Variants in C1QTNF5 observed in about 807,000 individuals in gnomAD.
C1QTNF5 encodes the protein complement C1q tumor necrosis factor-related protein 5.
C1QTNF5 carries 5 observed loss-of-function variants against 10.9 expected under a neutral mutation model. That is an observed-to-expected ratio of 0.46 (90% CI 0.24 to 0.97). The LOEUF is 0.97. Ranked by LOEUF, C1QTNF5 falls within the 50% of genes least tolerant of loss-of-function variation. The probability of loss-of-function intolerance (pLI) is 0.19; values close to 1 mark genes in which losing one functional copy is unlikely to be tolerated. For missense variants in C1QTNF5, 281 were observed against 339.4 expected (o/e 0.83, Z 1.35); for synonymous variants, 161 against 156.5 (o/e 1.03, Z -0.22).
upstream of C1QTNF5, among the ~76,000 whole-genome samples, chr11:119,345,190 T>C (rs1950548466): frequency 6.6e-6 from 1 of 152,180 alleles, no homozygotes; most frequent in African/African-American, 2.4e-5. Flanking sequence ...CCTTGTAGCA[T>C]CTACTCATGG....
Position 119,340,456 on chromosome 11 carries a change from G to A in C1QTNF5, c.-43-16C>T, listed in dbSNP as rs1950491343. 1.3e-6 allele frequency: 2 copies of A among 1,506,950 alleles called. No individual in the cohort carries two copies. Among genetic ancestry groups the A allele is most frequent in the Admixed American group, 3.9e-5 (2 of 50,666 alleles). The allele number at this position is 1,506,950 out of a possible 1,614,324, so 93.3% of individuals were successfully genotyped here. ...CTCTCGCAGTCTGTGGACCAGGCAG[G>A]ACTGGAGTCGGGACCCAGAATCCTG... On this transcript the variant is annotated splice_polypyrimidine_tract_variant and intron_variant, in intron 1 of 2. Transcript: ENST00000528368.
At chr11:119,340,064 T>G in intron 2 of C1QTNF5, 120 bp downstream of exon 2, 1 of 1,324,108 alleles carries the variant, frequency 7.6e-7, no homozygotes, top group South Asian at 1.6e-5. Flanking sequence ...CGCTCAGGGC[T>G]GCAAAGCGCG....
chr11:119,341,343 C>G, upstream of C1QTNF5: 1 of 597,278 alleles, frequency 1.7e-6, no homozygotes, highest in Non-Finnish European at 3.0e-6. Flanking sequence ...AGTCAGCAGC[C>G]TGGGACCGGT....
At chr11:119,346,171 C>G in the C1QTNF5 span, 1 of 1,580,124 alleles carries the variant, frequency 6.3e-7, no homozygotes, top group Non-Finnish European at 8.6e-7. Flanking sequence ...TGCGGGTTGG[C>G]AGGTGGGGTT....
chr11:119,346,032 C>G, the C1QTNF5 span: 1 of 1,612,072 alleles, frequency 6.2e-7, no homozygotes. Context: ...TTCAAGCTGT[C>G]CCCGGGTACT....
chr11:119,342,121 G>C (rs1950509026), upstream of C1QTNF5: 5 of 1,050,076 alleles, frequency 4.8e-6, no homozygotes, highest in South Asian at 7.4e-5. Context: ...GGATAACAAA[G>C]AGACAGGCTG....
At chr11:119,345,545 C>A (rs764416891), upstream of C1QTNF5, 8 of 1,614,052 alleles carry the variant, frequency 5.0e-6, no homozygotes, top group Admixed American at 1.3e-4. Context: ...CCTGGATATG[C>A]CACACGCAGT....
At chr11:119,345,625 C>T (rs1950556299), upstream of C1QTNF5, 2 of 1,613,558 alleles carry the variant, frequency 1.2e-6, no homozygotes, top group Admixed American at 3.3e-5. Context: ...GAGAGGAGGC[C>T]TCCACAGGCT....
Position 119,340,176 on chromosome 11 carries a change from C to T in C1QTNF5, c.214+8G>A. 6.6e-7 allele frequency: 1 copy of T among 1,513,804 alleles called. No homozygotes were observed. The highest frequency in any genetic ancestry group is 8.8e-7 in the Non-Finnish European group (1 of 1,133,962). 93.8% of individuals were successfully genotyped at this position (1,513,804 alleles called of 1,614,324 possible). A position where few individuals can be genotyped will look rare whatever the true frequency, so the allele number is the denominator to read the frequency against. ...TCGCCACCGATAGCCGCGGCGGTGC[C>T]TTCTTACCCGGCCTCCCGCCCTCGC... On this transcript the variant is annotated splice_region_variant and intron_variant, in intron 2 of 2. Transcript: ENST00000528368.
At position 119,339,184 on chromosome 11, in the gene C1QTNF5, T is replaced by C; in HGVS notation, c.*147A>G. ...CGCAGACAGCCACTGTTCCCATTCCTTGCCAGCAGCAGGACGGAGAGTGCT... is the reference window on the plus strand; with the variant it reads ...CGCAGACAGCCACTGTTCCCATTCCCTGCCAGCAGCAGGACGGAGAGTGCT... On this transcript the variant is annotated 3_prime_UTR_variant, in exon 3 of 3. Transcript: ENST00000528368. This position sits in a 1 kb window ranked among gnomAD's most constrained non-coding sequence, Gnocchi z 5.4. The C allele has an allele frequency of 1.1e-6, 1 of 897,470 alleles. No homozygotes were observed. The highest frequency in any genetic ancestry group is 1.7e-6 in the Non-Finnish European group (1 of 602,276). 55.6% of individuals were successfully genotyped at this position (897,470 alleles called of 1,614,324 possible).
rs1950484165 is a variant in C1QTNF5 at position 119,339,997 on chromosome 11, C to G, written c.215-149G>C. ...CACGGGTACCTCCTCCACCCCTTCC[C>G]GCAGGGCAGATCTGGGGGGCTGGCC... On this transcript the variant is annotated intron_variant, in intron 2 of 2. Coordinates refer to ENST00000528368, the MANE Select transcript of C1QTNF5 (RefSeq NM_001278431.2). This position sits in a 1 kb window ranked among gnomAD's most constrained non-coding sequence, Gnocchi z 5.4. 1 of 1,299,590 alleles carries G rather than the reference C, an allele frequency of 7.7e-7. No individual in the cohort carries two copies. The highest frequency in any genetic ancestry group is 1.0e-6 in the Non-Finnish European group (1 of 990,610). 80.5% of individuals were successfully genotyped at this position (1,299,590 alleles called of 1,614,324 possible). A position where few individuals can be genotyped will look rare whatever the true frequency, so the allele number is the denominator to read the frequency against.
At position 119,339,407 on chromosome 11, in the gene C1QTNF5, G is replaced by A; in HGVS notation, c.656C>T (p.Ala219Val). ...VGVGDYIGIY[A>V]SIKTDSTFSG... ...GAAGGTGCTGTCTGTCTTGATGCTGGCATAGATGCCAATGTAGTCACCCAC... is the reference window on the plus strand; with the variant it reads ...GAAGGTGCTGTCTGTCTTGATGCTGACATAGATGCCAATGTAGTCACCCAC... The change falls in exon 3 of 3, where the codon GCC becomes GTC. Residue 219 changes from alanine to valine, a missense_variant. Physicochemically the swap from Ala to Val is moderately conservative, Grantham distance 64 (BLOSUM62 0). Transcript: ENST00000528368. This position sits in a 1 kb window ranked among gnomAD's most constrained non-coding sequence, Gnocchi z 5.4. 6 of 1,613,356 alleles carry A rather than the reference G, an allele frequency of 3.7e-6. No homozygotes were observed. The highest frequency in any genetic ancestry group is 4.2e-6 in the Non-Finnish European group (5 of 1,179,462).
chr11:119,339,917 A>T lies in C1QTNF5; in HGVS notation c.215-69T>A. On this transcript the variant is annotated intron_variant, in intron 2 of 2. Coordinates refer to ENST00000528368, the MANE Select transcript of C1QTNF5 (RefSeq NM_001278431.2). The surrounding 1 kb of genome is among the most constrained non-coding windows in gnomAD (Gnocchi z 5.4). ...AGCCCGCAGCGGGGCGGCGACTCTA[A>T]GGTCACCGTACCCCTCCCCGCCCCT... 1.4e-6 allele frequency: 2 copies of T among 1,422,130 alleles called. No individual in the cohort carries two copies. The highest frequency in any genetic ancestry group is 1.8e-6 in the Non-Finnish European group (2 of 1,093,908). 88.1% of individuals were successfully genotyped at this position (1,422,130 alleles called of 1,614,324 possible). A position where few individuals can be genotyped will look rare whatever the true frequency, so the allele number is the denominator to read the frequency against.
chr11:119,345,719 C>G, upstream of C1QTNF5: 1 of 1,612,768 alleles, frequency 6.2e-7, no homozygotes, highest in Non-Finnish European at 8.5e-7. Flanking sequence ...CTCCCCTCAA[C>G]CCCACCCCGT....
At chr11:119,344,558 G>A, upstream of C1QTNF5, 1 of 1,610,838 alleles carries the variant, frequency 6.2e-7, no homozygotes, top group East Asian at 2.2e-5. Flanking sequence ...GTTTGAGGCT[G>A]GACCAGAGCT....
Position 119,339,106 on chromosome 11 carries a change from T to C in C1QTNF5, c.*225A>G. On this transcript the variant is annotated 3_prime_UTR_variant, in exon 3 of 3. Transcript: ENST00000528368. This position sits in a 1 kb window ranked among gnomAD's most constrained non-coding sequence, Gnocchi z 5.4. ...ACTTACACTTGCCAGCACAGCACAC[T>C]CCTCTGGTCTTGGGCAGAAATCCAG... 1 of 574,098 alleles carries C rather than the reference T, an allele frequency of 1.7e-6. No individual in the cohort carries two copies. The highest frequency in any genetic ancestry group is 3.1e-6 in the Non-Finnish European group (1 of 327,356). 35.6% of individuals were successfully genotyped at this position (574,098 alleles called of 1,614,324 possible).
chr11:119,345,003 C>T (rs1194944071), upstream of C1QTNF5: 6 of 1,603,960 alleles, frequency 3.7e-6, no homozygotes, highest in African/African-American at 6.7e-5. Context: ...CTTCCACAAA[C>T]CCTGCAAGAA....
At chr11:119,345,560 GT>G (rs1353587068), upstream of C1QTNF5, 1 of 1,614,062 alleles carries the variant, frequency 6.2e-7, no homozygotes, top group East Asian at 2.2e-5. Context: ...CGCAGTGGGT[GT>G]TGGGGGGGTA....
At chr11:119,343,890 A>G, upstream of C1QTNF5, 7 of 1,613,672 alleles carry the variant, frequency 4.3e-6, no homozygotes, top group Non-Finnish European at 5.9e-6. Flanking sequence ...ACTCGTCCTG[A>G]GCCTCCAGGC....
Sources: allele counts gnomAD v4.1 joint callset (sites outside exome capture counted in the v4.1 genomes callset), GRCh38; gene constraint gnomAD v4.1.1; non-coding constraint Gnocchi (gnomAD v3.1); transcripts MANE v1.5; gene names NCBI Gene and HGNC (gene_info 2026-07-23, HGNC 2026-07-21).